The following IL1RAPL2 variants were observed in gnomAD, a reference collection of about 807,000 sequenced individuals.
IL1RAPL2 encodes the protein X-linked interleukin-1 receptor accessory protein-like 2.
IL1RAPL2 carries 3 observed loss-of-function variants against 44.1 expected under a neutral mutation model. That is an observed-to-expected ratio of 0.07 (90% CI 0.03 to 0.18). IL1RAPL2 has a LOEUF of 0.18. Ranked by LOEUF, IL1RAPL2 falls within the 10% of genes least tolerant of loss-of-function variation. The probability of loss-of-function intolerance (pLI) is 1.00; values close to 1 mark genes in which losing one functional copy is unlikely to be tolerated. For synonymous variants in IL1RAPL2, 181 were observed against 178.8 expected, an observed-to-expected ratio of 1.01 and a Z score of -0.10; for missense variants, 391 against 496.4, an observed-to-expected ratio of 0.79 and a Z score of 2.02.
intron 1 of IL1RAPL2, among the ~76,000 whole-genome samples, chrX:104,625,289 G>A (rs1316345889): frequency 9.0e-6 from 1 of 110,769 alleles, no homozygotes; most frequent in Non-Finnish European, 1.9e-5. Flanking sequence ...TAGAAGCAAT[G>A]CTTACCCTTG....
intron 2 of IL1RAPL2, among the ~76,000 whole-genome samples, chrX:104,896,751 C>G (rs1166417049): frequency 1.8e-5 from 2 of 111,408 alleles, no homozygotes; most frequent in Non-Finnish European, 3.8e-5. Flanking sequence ...TGTTCTTTTG[C>G]TCTTCACAAT....
At chrX:104,890,520 G>T (rs371078103) in intron 2 of IL1RAPL2, among the ~76,000 whole-genome samples, 7 of 112,198 alleles carry the variant, frequency 6.2e-5, no homozygotes, top group African/African-American at 9.7e-5. Flanking sequence ...TCTCATTGTG[G>T]TTTTGATTTG....
chrX:105,016,530 T>C (rs2031180225), intron 2 of IL1RAPL2, among the ~76,000 whole-genome samples: 1 of 111,750 alleles, frequency 8.9e-6, no homozygotes, highest in African/African-American at 3.2e-5. Flanking sequence ...TGAAGGGCTG[T>C]TGAATTTTGT....
Position 105,107,514 on chromosome X carries a change from G to A in IL1RAPL2, c.83-87961G>A, listed in dbSNP as rs773295154. Among the ~76,000 whole-genome samples the A allele has an allele frequency of 9.8e-5, 11 of 112,114 alleles. No homozygotes were observed. In the East Asian group the frequency reaches 2.2e-3, roughly 23 times the overall value. On this transcript the variant is annotated intron_variant, in intron 2 of 10. Coordinates refer to ENST00000372582, the MANE Select transcript of IL1RAPL2 (RefSeq NM_017416.2). ...ATTAATGAATGTCAGTAAGATGGAC[G>A]AATTCACTGTAAAAGATATCAAAGC...
At chrX:104,976,557 A>G (rs1250147157) in intron 2 of IL1RAPL2, among the ~76,000 whole-genome samples, 1 of 111,984 alleles carries the variant, frequency 8.9e-6, no homozygotes, top group African/African-American at 3.2e-5. Context: ...GACAAGACCA[A>G]GATTCCTCTA....
At chrX:105,734,158 A>G (rs1479013074) in intron 7 of IL1RAPL2, among the ~76,000 whole-genome samples, 1 of 109,949 alleles carries the variant, frequency 9.1e-6, no homozygotes, top group Non-Finnish European at 1.9e-5. Context: ...AAAATCCCTT[A>G]TTATTATACA....
At chrX:104,581,288 G>T (rs1928340239) in intron 1 of IL1RAPL2, among the ~76,000 whole-genome samples, 1 of 111,783 alleles carries the variant, frequency 8.9e-6, no homozygotes, top group South Asian at 3.8e-4. Flanking sequence ...ATGTGGCTCG[G>T]CCAACTTTTT....
chrX:105,596,450 T>C (rs936630950), intron 6 of IL1RAPL2, among the ~76,000 whole-genome samples: 1 of 111,376 alleles, frequency 9.0e-6, no homozygotes, highest in African/African-American at 3.3e-5. Context: ...TTAATTTACA[T>C]GTAATTGTGA....
chrX:105,637,239 T>C (rs1017130293), intron 6 of IL1RAPL2, among the ~76,000 whole-genome samples: 1 of 111,814 alleles, frequency 8.9e-6, no homozygotes, highest in Admixed American at 9.4e-5. Context: ...TCATATTGTT[T>C]TGTTTCAATC....
At chrX:104,976,639 A>G (rs1307416905) in intron 2 of IL1RAPL2, among the ~76,000 whole-genome samples, 2 of 111,348 alleles carry the variant, frequency 1.8e-5, no homozygotes, top group African/African-American at 6.5e-5. Context: ...GGGGTGTCCA[A>G]CAATACTGAA....
In IL1RAPL2 at chrX:105,036,726, C is replaced by T. The variant is rs577293234; in HGVS notation, c.83-158749C>T. Among the ~76,000 whole-genome samples, 110 of 111,648 alleles carry T rather than the reference C, an allele frequency of 9.9e-4. No individual in the cohort carries two copies. The South Asian group carries it at 0.017, about 17-fold the overall frequency. On this transcript the variant is annotated intron_variant, in intron 2 of 10. Transcript: ENST00000372582. ...ATGTTCAAGAATTCCCCAAATTTCA[C>T]GAACGTTACAAACTATAATACTTTT...
At chrX:105,404,795 A>G (rs2035630405) in intron 5 of IL1RAPL2, among the ~76,000 whole-genome samples, 3 of 112,190 alleles carry the variant, frequency 2.7e-5, no homozygotes, top group Non-Finnish European at 3.8e-5. Flanking sequence ...GTATACATTC[A>G]ATCTAAAATT....
intron 6 of IL1RAPL2, among the ~76,000 whole-genome samples, chrX:105,507,705 A>C (rs756514797): frequency 1.7e-4 from 19 of 111,602 alleles, no homozygotes; most frequent in Non-Finnish European, 3.2e-4. Flanking sequence ...GGGATCTCTG[A>C]TTATCTCTAA....
intron 9 of IL1RAPL2, among the ~76,000 whole-genome samples, chrX:105,751,604 T>C (rs758347055): frequency 8.9e-6 from 1 of 112,002 alleles, no homozygotes; most frequent in East Asian, 2.8e-4. Flanking sequence ...TAATTTTATG[T>C]ATTGATTCCA....
intron 6 of IL1RAPL2, among the ~76,000 whole-genome samples, chrX:105,669,333 A>G (rs1410816557): frequency 1.8e-5 from 2 of 111,256 alleles, no homozygotes; most frequent in African/African-American, 6.6e-5. Context: ...CATGTGCTTA[A>G]TATCCCCAAA....
chrX:104,704,762 C>T (rs957031722), intron 2 of IL1RAPL2, among the ~76,000 whole-genome samples: 6 of 111,731 alleles, frequency 5.4e-5, no homozygotes, highest in South Asian at 3.7e-4. Context: ...AACCTTTAGT[C>T]GCTAATTACA....
intron 2 of IL1RAPL2, among the ~76,000 whole-genome samples, chrX:104,842,431 G>A (rs1921933015): frequency 9.0e-6 from 1 of 110,897 alleles, no homozygotes; most frequent in Admixed American, 9.7e-5. Context: ...TTGAGCTCTT[G>A]CTTGAGAGGT....
At chrX:105,754,085 A>G (rs1477897213) in intron 9 of IL1RAPL2, among the ~76,000 whole-genome samples, 1 of 112,150 alleles carries the variant, frequency 8.9e-6, no homozygotes, top group Non-Finnish European at 1.9e-5. Context: ...GATATGTTCT[A>G]ATTAGGTATG....
chrX:105,506,637 A>G (rs1414855861), intron 6 of IL1RAPL2, among the ~76,000 whole-genome samples: 1 of 111,444 alleles, frequency 9.0e-6, no homozygotes, highest in Non-Finnish European at 1.9e-5. Context: ...AATTGGTTCC[A>G]CCTCTGAAAA....
Sources: gnomAD v4.1 joint callset for allele counts (sites outside exome capture counted in the v4.1 genomes callset) on GRCh38, gnomAD v4.1.1 for gene constraint, MANE v1.5 for transcripts, NCBI Gene and HGNC (gene_info 2026-07-23, HGNC 2026-07-21) for gene names.